PPIL2: variants seen among roughly 807,000 people sequenced by gnomAD.
PPIL2 encodes the protein peptidylprolyl isomerase like 2, also known as RING-type E3 ubiquitin-protein ligase PPIL2.
In PPIL2, 50 loss-of-function variants were observed where a neutral mutation model predicts 75.2. The ratio of observed to expected loss-of-function variants is 0.66; its 90% CI spans 0.53 to 0.84. The LOEUF (loss-of-function observed/expected upper bound fraction) is 0.84. Ranked by LOEUF, PPIL2 falls within the 40% of genes least tolerant of loss-of-function variation. The probability of loss-of-function intolerance (pLI) is 0.00; values close to 1 mark genes in which losing one functional copy is unlikely to be tolerated. For synonymous variants in PPIL2, 245 were observed against 258.8 expected (o/e 0.95, Z 0.51); for missense variants, 590 against 685.0 (o/e 0.86, Z 1.55).
Position 21,694,932 on chromosome 22 carries a change from C to T in PPIL2, c.1333-5C>T. The T allele has an allele frequency of 1.9e-6, 3 of 1,612,860 alleles. No individual in the cohort carries two copies. Among genetic ancestry groups the T allele is most frequent in the Non-Finnish European group, 2.5e-6 (3 of 1,179,440 alleles). On this transcript the variant is annotated splice_region_variant and splice_polypyrimidine_tract_variant and intron_variant, in intron 18 of 19. Transcript: ENST00000398831. ...CCGGTTAGCCAGCGCCCTGTTGTGC[C>T]ACAGATTGCGCAGGAGCGGAAGACA... is the stretch of plus-strand genomic sequence containing the variant.
At chr22:21,676,309 TTGTGTG>T (rs61112126) in intron 6 of PPIL2, among the ~76,000 whole-genome samples, 47 of 123,062 alleles carry the variant, frequency 3.8e-4, no homozygotes, top group Middle Eastern at 4.1e-3. Flanking sequence ...TTTATTTATT[TTGTGTG>T]TGTGTGTGTG....
In PPIL2 at chr22:21,688,608, A is replaced by C. The variant is rs1375704693; in HGVS notation, c.1022-124A>C. The stretch of plus-strand genomic sequence containing the variant: ...GTGGCGTGGGGCTGGGAGCCTCCCT[A>C]TCAAGTGCCCCTGCCCCAGGCTGGG... On this transcript the variant is annotated intron_variant, in intron 14 of 19. Coordinates refer to ENST00000398831, the MANE Select transcript of PPIL2 (RefSeq NM_014337.4). 4.5e-6 allele frequency: 4 copies of C among 886,148 alleles called. No individual in the cohort carries two copies. In the African/African-American group the frequency reaches 6.7e-5, roughly 15 times the overall value. 54.9% of individuals were successfully genotyped at this position (886,148 alleles called of 1,614,324 possible).
chr22:21,693,354 A>G (rs1210363029), intron 15 of PPIL2, among the ~76,000 whole-genome samples: 2 of 152,176 alleles, frequency 1.3e-5, no homozygotes, highest in Non-Finnish European at 2.9e-5. Context: ...GGACGACCTG[A>G]GCATTTTCTT....
intron 6 of PPIL2, among the ~76,000 whole-genome samples, chr22:21,676,618 C>T (rs1029724221): frequency 1.7e-4 from 26 of 151,916 alleles, no homozygotes; most frequent in Admixed American, 1.7e-3. Context: ...TCTTGCACCG[C>T]CCTTAATCCA....
intron 15 of PPIL2, among the ~76,000 whole-genome samples, chr22:21,692,306 C>A (rs568133240): frequency 6.6e-6 from 1 of 152,076 alleles, no homozygotes; most frequent in South Asian, 2.1e-4. Flanking sequence ...CAGGCGCCCG[C>A]CACACGCCTG....
intron 15 of PPIL2, among the ~76,000 whole-genome samples, chr22:21,693,582 C>T (rs74655855): frequency 0.01 from 1,595 of 152,268 alleles, 21 homozygotes; most frequent in African/African-American, 0.035. Flanking sequence ...GGGCAGCAGC[C>T]GGGGCAGCAG....
intron 15 of PPIL2, among the ~76,000 whole-genome samples, chr22:21,689,409 C>T (rs2067525634): frequency 6.6e-6 from 1 of 152,234 alleles, no homozygotes; most frequent in East Asian, 1.9e-4. Context: ...GTTTTCTTCA[C>T]ATGGGTCCTG....
intron 5 of PPIL2, among the ~76,000 whole-genome samples, chr22:21,674,356 TG>T (rs1219422485): frequency 1.3e-5 from 2 of 152,192 alleles, no homozygotes; most frequent in African/African-American, 4.8e-5. Context: ...ACCTGCCACC[TG>T]GGGTAGGGGA....
chr22:21,683,365 C>T (rs2067211640), intron 9 of PPIL2, 108 bp downstream of exon 9: 1 of 900,066 alleles, frequency 1.1e-6, no homozygotes, highest in African/African-American at 1.7e-5. Context: ...GGTCCCAGCC[C>T]AGACAGGCCC....
intron 11 of PPIL2, 139 bp from the exon 12 acceptor site, chr22:21,686,753 G>T: frequency 9.6e-7 from 1 of 1,043,104 alleles, no homozygotes; most frequent in South Asian, 1.4e-5. Context: ...GGCCTAAGCA[G>T]ACCCTCGGCC....
At chr22:21,670,247 GT>G (rs150956872) in intron 2 of PPIL2, 1 of 1,249,320 alleles carries the variant, frequency 8.0e-7, no homozygotes, top group Non-Finnish European at 1.1e-6. Flanking sequence ...ACATTTAAAT[GT>G]TTTTTCTCTA....
chr22:21,683,951 T>G (rs1333875531), intron 9 of PPIL2, among the ~76,000 whole-genome samples: 2 of 152,232 alleles, frequency 1.3e-5, no homozygotes, highest in African/African-American at 4.8e-5. Flanking sequence ...CTTATGCCTG[T>G]AACCCCAGCA....
chr22:21,672,229 C>T, intron 4 of PPIL2, 101 bp from the exon 5 acceptor site: 1 of 999,400 alleles, frequency 1.0e-6, no homozygotes, highest in South Asian at 1.3e-5. Context: ...AAGACCCCTT[C>T]ACAGGCCTCT....
In PPIL2 at chr22:21,697,085, C is replaced by T; in HGVS notation, c.*1595C>T. On this transcript the variant is annotated 3_prime_UTR_variant, in exon 20 of 20. Coordinates refer to ENST00000398831, the MANE Select transcript of PPIL2 (RefSeq NM_014337.4). ...CTCTAGAGTGACTTTTGACGCCCTC[C>T]ATCCCTCCCGCCAGGCACTGTCCTC... is the stretch of plus-strand genomic sequence containing the variant. 23 of 1,270,668 alleles carry T rather than the reference C, an allele frequency of 1.8e-5. No homozygotes were observed. Among genetic ancestry groups the T allele is most frequent in the Non-Finnish European group, 2.5e-5 (23 of 924,218 alleles). The allele number at this position is 1,270,668 out of a possible 1,614,324, so 78.7% of individuals were successfully genotyped here.
chr22:21,692,434 G>C (rs147556940), intron 15 of PPIL2, among the ~76,000 whole-genome samples: 1 of 151,648 alleles, frequency 6.6e-6, no homozygotes, highest in Non-Finnish European at 1.5e-5. Context: ...GATTACAGGC[G>C]TGAGCCACTG....
chr22:21,677,717 G>C (rs186546856), intron 6 of PPIL2, among the ~76,000 whole-genome samples: 1 of 152,202 alleles, frequency 6.6e-6, no homozygotes, highest in Non-Finnish European at 1.5e-5. Flanking sequence ...GAGAGGGAGG[G>C]ACAGCAAATA....
At chr22:21,683,331 C>T in intron 9 of PPIL2, 74 bp downstream of exon 9, 2 of 1,329,730 alleles carry the variant, frequency 1.5e-6, no homozygotes, top group Non-Finnish European at 2.1e-6. Flanking sequence ...CTGGGTAAAG[C>T]CCCCGCTTTC....
Position 21,672,340 on chromosome 22 carries a change from C to A in PPIL2, c.202C>A (p.Pro68Thr). 1 of 1,612,518 alleles carries A rather than the reference C, an allele frequency of 6.2e-7. No homozygotes were observed. Among genetic ancestry groups the A allele is most frequent in the African/African-American group, 1.3e-5 (1 of 75,010 alleles). Residue 68 changes from proline to threonine, a missense_variant, in exon 5 of 20, where the codon CCA becomes ACA. Coordinates refer to ENST00000398831, the MANE Select transcript of PPIL2 (RefSeq NM_014337.4). ...CTGTCTTCCCTTCAGGAACATTGTTCCATGGCTTAAGAAGTACGGGACCAA... is the reference window on the plus strand; with the variant it reads ...CTGTCTTCCCTTCAGGAACATTGTTACATGGCTTAAGAAGTACGGGACCAA... ...GIVFDLLNIV[P>T]WLKKYGTNPS...
intron 14 of PPIL2, among the ~76,000 whole-genome samples, 178 bp downstream of exon 14, chr22:21,688,284 A>G (rs1601579156): frequency 2.0e-5 from 3 of 152,304 alleles, no homozygotes; most frequent in Non-Finnish European, 4.4e-5. Context: ...TCTCATTTCC[A>G]GGTGGCTGTG....
Sources: allele counts gnomAD v4.1 joint callset (sites outside exome capture counted in the v4.1 genomes callset), GRCh38; gene constraint gnomAD v4.1.1; transcripts MANE v1.5; gene names NCBI Gene and HGNC (gene_info 2026-07-23, HGNC 2026-07-21).